Variants in CYP3A43 observed in about 807,000 individuals in gnomAD.
CYP3A43 encodes the protein cytochrome P450 3A43.
In CYP3A43, 45 loss-of-function variants were observed where a neutral mutation model predicts 58.0. The observed-to-expected ratio is 0.78, with a 90% CI of 0.61 to 0.99. The LOEUF (loss-of-function observed/expected upper bound fraction) is 0.99. Ranked by LOEUF, CYP3A43 falls within the 50% of genes least tolerant of loss-of-function variation. CYP3A43 has a pLI of 0.00. For missense variants in CYP3A43, 593 were observed against 591.9 expected, an observed-to-expected ratio of 1.00 and a Z score of -0.02; for synonymous variants, 191 against 201.4, an observed-to-expected ratio of 0.95 and a Z score of 0.44.
At chr7:99,861,023 G>A (rs1241798171) in intron 10 of CYP3A43, among the ~76,000 whole-genome samples, 1 of 151,952 alleles carries the variant, frequency 6.6e-6, no homozygotes, top group African/African-American at 2.4e-5. Context: ...ACAGGCGTGC[G>A]CTACTATGCC....
intron 3 of CYP3A43, 110 bp from the exon 4 acceptor site, chr7:99,844,033 T>C (rs1817444291): frequency 1.2e-6 from 1 of 810,498 alleles, no homozygotes. Context: ...ATTGCACAAC[T>C]GCAAGTATGG....
intron 1 of CYP3A43, among the ~76,000 whole-genome samples, chr7:99,828,686 A>C (rs1167495345): frequency 6.6e-6 from 1 of 152,080 alleles, no homozygotes; most frequent in Non-Finnish European, 1.5e-5. Context: ...ACTTTGTCAT[A>C]CTGAGTAGTT....
chr7:99,833,575 C>G (rs931673093), intron 1 of CYP3A43, among the ~76,000 whole-genome samples: 3 of 152,216 alleles, frequency 2.0e-5, no homozygotes, highest in African/African-American at 7.2e-5. Flanking sequence ...AAGACTCCAG[C>G]TCTTTCTCTT....
intron 3 of CYP3A43, chr7:99,839,373 C>A: frequency 1.4e-6 from 1 of 721,026 alleles, no homozygotes; most frequent in South Asian, 1.5e-5. Flanking sequence ...ATAGGAAACT[C>A]CATGCATATT....
intron 7 of CYP3A43, among the ~76,000 whole-genome samples, chr7:99,854,874 TTC>T (rs551745500): frequency 4.6e-5 from 7 of 152,128 alleles, no homozygotes; most frequent in African/African-American, 1.2e-4. Context: ...CAATTCTCTT[TTC>T]TCTCTCTCTC....
chr7:99,846,399 G>A (rs182230030), intron 4 of CYP3A43, among the ~76,000 whole-genome samples: 16 of 152,258 alleles, frequency 1.1e-4, no homozygotes, highest in Admixed American at 7.2e-4. Context: ...TTGTTATGGC[G>A]TAGAAATGTG....
At chr7:99,858,455 T>C (rs1187293993) in intron 9 of CYP3A43, among the ~76,000 whole-genome samples, 1 of 152,066 alleles carries the variant, frequency 6.6e-6, no homozygotes, top group Non-Finnish European at 1.5e-5. Flanking sequence ...AAGCTTTTCT[T>C]GGGAGAAATA....
Position 99,828,192 on chromosome 7 carries a change from TA to T in CYP3A43, c.71+8del. 6.2e-7 allele frequency: 1 copy of T among 1,600,742 alleles called. No individual in the cohort carries two copies. The highest frequency in any genetic ancestry group is 8.5e-7 in the Non-Finnish European group (1 of 1,172,142). ...AGCCTGGTACTCCTCTATATGTGAG[TA>T]ACTATGCAGGCATGTTTGCTCTTAA... On this transcript the variant is annotated splice_region_variant and intron_variant, in intron 1 of 12. Transcript: ENST00000354829.
At chr7:99,840,929 A>C (rs1361049559) in intron 3 of CYP3A43, among the ~76,000 whole-genome samples, 1 of 152,178 alleles carries the variant, frequency 6.6e-6, no homozygotes, top group Non-Finnish European at 1.5e-5. Context: ...CAATTGGCTC[A>C]TGTGCTGAGG....
At chr7:99,846,213 A>G (rs1163303213) in intron 4 of CYP3A43, among the ~76,000 whole-genome samples, 1 of 152,260 alleles carries the variant, frequency 6.6e-6, no homozygotes, top group East Asian at 1.9e-4. Context: ...TGAGTCTTTC[A>G]AAACATGAAC....
intron 4 of CYP3A43, among the ~76,000 whole-genome samples, chr7:99,844,801 T>C (rs774479866): frequency 2.0e-5 from 3 of 152,206 alleles, no homozygotes; most frequent in African/African-American, 4.8e-5. Context: ...CTGGGTGCGG[T>C]GGCTCACGCC....
chr7:99,836,643 A>G lies in CYP3A43; in HGVS notation c.165+97A>G, dbSNP rs78519346. ...TGCTCCTCCTCAGGAGGAATTTCCA[A>G]TGTTTTACACTTTCAGAAATGGTGT... On this transcript the variant is annotated intron_variant, in intron 2 of 12. Transcript: ENST00000354829. The G allele has an allele frequency of 6.7e-3, 5,768 of 866,844 alleles. 235 individuals carry two copies. The African/African-American group carries it at 0.091, about 14-fold the overall frequency. 53.7% of individuals were successfully genotyped at this position (866,844 alleles called of 1,614,324 possible).
chr7:99,861,613 G>A lies in CYP3A43; in HGVS notation c.1027G>A (p.Ala343Thr). Residue 343 changes from alanine (A) to threonine (T), a missense_variant and splice_region_variant, in exon 11 of 13, where the codon GCA becomes ACA. Physicochemically the swap from Ala to Thr is moderately conservative, Grantham distance 58. Coordinates refer to ENST00000354829, the MANE Select transcript of CYP3A43 (RefSeq NM_057095.3). ...TCCAAATCTGTTTCTTTCTTCCCAG[G>A]CACCTGTCACCTACGATGCCCTGGT... ...EEIDAVLPNK[A>T]PVTYDALVQM... 1 of 1,613,338 alleles carries A rather than the reference G, an allele frequency of 6.2e-7. No individual in the cohort carries two copies. The highest frequency in any genetic ancestry group is 8.5e-7 in the Non-Finnish European group (1 of 1,179,604).
At chr7:99,841,902 G>A (rs555929617) in intron 3 of CYP3A43, among the ~76,000 whole-genome samples, 4 of 152,058 alleles carry the variant, frequency 2.6e-5, no homozygotes, top group Non-Finnish European at 5.9e-5. Context: ...ATACTCTGAG[G>A]GCTACTACCT....
At chr7:99,858,752 G>A (rs1027940532) in intron 9 of CYP3A43, among the ~76,000 whole-genome samples, 12 of 151,528 alleles carry the variant, frequency 7.9e-5, no homozygotes, top group Non-Finnish European at 1.5e-4. Context: ...GAGTGAAGTG[G>A]TCTGATCTTG....
chr7:99,855,480 C>T (rs1455011317), intron 7 of CYP3A43, 111 bp from the exon 8 acceptor site: 2 of 1,336,594 alleles, frequency 1.5e-6, no homozygotes, highest in Non-Finnish European at 2.0e-6. Flanking sequence ...GAAATGGATC[C>T]TGGTTGAGAA....
chr7:99,849,339 T>A (rs1817658113), intron 6 of CYP3A43, among the ~76,000 whole-genome samples: 1 of 152,180 alleles, frequency 6.6e-6, no homozygotes, highest in African/African-American at 2.4e-5. Context: ...CACCTTAGTG[T>A]CTCCATCACT....
At chr7:99,833,959 C>T (rs1485479855) in intron 1 of CYP3A43, among the ~76,000 whole-genome samples, 1 of 152,192 alleles carries the variant, frequency 6.6e-6, no homozygotes, top group Non-Finnish European at 1.5e-5. Flanking sequence ...AATAAGGAAT[C>T]CAGGGACCAC....
intron 4 of CYP3A43, among the ~76,000 whole-genome samples, chr7:99,846,148 A>C (rs1214443097): frequency 6.6e-6 from 1 of 152,240 alleles, no homozygotes; most frequent in Non-Finnish European, 1.5e-5. Context: ...GATTTTGATA[A>C]GTATTGAATT....
Sources: gnomAD v4.1 joint callset for allele counts (sites outside exome capture counted in the v4.1 genomes callset) on GRCh38, gnomAD v4.1.1 for gene constraint, MANE v1.5 for transcripts, NCBI Gene and HGNC (gene_info 2026-07-23, HGNC 2026-07-21) for gene names.